TMEM117: variants seen among roughly 807,000 people sequenced by gnomAD.
TMEM117 encodes transmembrane protein 117.
In TMEM117, 27 loss-of-function variants were observed where a neutral mutation model predicts 52.4. The ratio of observed to expected loss-of-function variants is 0.51; its 90% confidence interval spans 0.38 to 0.71. TMEM117 has a LOEUF of 0.71. Among genes scored for constraint, TMEM117 ranks in the 30% least tolerant of loss-of-function variants. The pLI, the probability that TMEM117 is intolerant of heterozygous loss-of-function variation, is 0.00. For synonymous variants in TMEM117, 215 were observed against 206.3 expected (o/e 1.04, Z -0.36); for missense variants, 556 against 630.5 (o/e 0.88, Z 1.26).
At chr12:44,386,436 G>T (rs1029581139) in intron 7 of TMEM117, among the ~76,000 whole-genome samples, 1 of 152,126 alleles carries the variant, frequency 6.6e-6, no homozygotes, top group African/African-American at 2.4e-5. Context: ...ATTCAGGCAA[G>T]AGTTTTCATT....
chr12:44,388,607 G>C lies in TMEM117; in HGVS notation c.1480G>C (p.Glu494Gln), dbSNP rs182044915. The part of the protein sequence containing the change: ...TSENLSSQLN[E>Q]STSATEADQD... ...GGAAAACTTGAGCTCACAGTTGAAC[G>C]AATCTACTAGTGCAACAGAAGCTGA... Residue 494 changes from glutamate to glutamine, a missense_variant, in exon 8 of 8, where the codon GAA becomes CAA. This residue lies in a region of TMEM117 where 206 missense variants were observed against 211.1 expected (regional missense o/e 0.98). Transcript: ENST00000266534. 1 of 1,613,424 alleles carries C rather than the reference G, an allele frequency of 6.2e-7. No homozygotes were observed. Among genetic ancestry groups the C allele is most frequent in the Admixed American group, 1.7e-5 (1 of 59,930 alleles).
intron 4 of TMEM117, among the ~76,000 whole-genome samples, chr12:44,193,193 G>A (rs188192532): frequency 6.6e-6 from 1 of 152,160 alleles, no homozygotes; most frequent in East Asian, 1.9e-4. Context: ...CTAAAATGAG[G>A]GTGAGAGAAA....
intron 5 of TMEM117, among the ~76,000 whole-genome samples, chr12:44,273,458 T>C (rs942830957): frequency 6.6e-6 from 1 of 151,868 alleles, no homozygotes. Context: ...ACTTCCAAAC[T>C]CATTCTACAA....
At chr12:44,274,368 G>A (rs1950486280) in intron 5 of TMEM117, among the ~76,000 whole-genome samples, 1 of 152,222 alleles carries the variant, frequency 6.6e-6, no homozygotes, top group East Asian at 1.9e-4. Context: ...TTGTTTAAAT[G>A]TCCATAGTAC....
intron 6 of TMEM117, among the ~76,000 whole-genome samples, chr12:44,345,709 A>G (rs1221936962): frequency 6.6e-6 from 1 of 152,174 alleles, no homozygotes; most frequent in Admixed American, 6.5e-5. Flanking sequence ...ATTCATTTAC[A>G]TAGTCAACGT....
At chr12:44,093,450 GA>G (rs778838368) in intron 3 of TMEM117, among the ~76,000 whole-genome samples, 15 of 152,200 alleles carry the variant, frequency 9.9e-5, no homozygotes, top group East Asian at 1.9e-4. Context: ...ATATGAACAA[GA>G]ATCACAGTGT....
At chr12:43,884,213 C>G (rs1171621802) in intron 2 of TMEM117, among the ~76,000 whole-genome samples, 1 of 151,460 alleles carries the variant, frequency 6.6e-6, no homozygotes, top group Admixed American at 6.6e-5. Context: ...ATATTGACAG[C>G]AGAGAGCTGA....
chr12:44,028,202 A>G (rs1946575011), intron 3 of TMEM117, among the ~76,000 whole-genome samples: 1 of 152,202 alleles, frequency 6.6e-6, no homozygotes, highest in Non-Finnish European at 1.5e-5. Flanking sequence ...CAAAAACAAA[A>G]AGCTGTTTGA....
intron 3 of TMEM117, among the ~76,000 whole-genome samples, chr12:44,026,458 C>T (rs937243203): frequency 6.6e-6 from 1 of 152,174 alleles, no homozygotes; most frequent in Non-Finnish European, 1.5e-5. Context: ...CACATGTCAC[C>T]TTCTCACTGA....
intron 3 of TMEM117, among the ~76,000 whole-genome samples, chr12:44,067,322 T>G (rs1050454745): frequency 6.6e-6 from 1 of 152,236 alleles, no homozygotes; most frequent in Non-Finnish European, 1.5e-5. Flanking sequence ...TAATGTCATC[T>G]AGAATGGTGA....
chr12:43,876,032 A>T (rs975149309), intron 2 of TMEM117, among the ~76,000 whole-genome samples: 87 of 152,302 alleles, frequency 5.7e-4, no homozygotes, highest in African/African-American at 2.0e-3. Context: ...TTTGAGTAAA[A>T]TACTTAGTAT....
intron 4 of TMEM117, among the ~76,000 whole-genome samples, chr12:44,184,067 C>T (rs55649839): frequency 0.11 from 16,440 of 152,118 alleles, 1,029 homozygotes; most frequent in Middle Eastern, 0.2. Flanking sequence ...GAAACTGGCC[C>T]GGGTGCAGTG....
intron 7 of TMEM117, among the ~76,000 whole-genome samples, chr12:44,387,665 T>C (rs950430744): frequency 6.6e-6 from 1 of 152,146 alleles, no homozygotes; most frequent in Non-Finnish European, 1.5e-5. Context: ...TTTCTAAGAA[T>C]TTCATTAGAC....
chr12:44,101,504 T>G (rs1947860308), intron 3 of TMEM117, among the ~76,000 whole-genome samples: 3 of 151,894 alleles, frequency 2.0e-5, no homozygotes, highest in African/African-American at 7.3e-5. Flanking sequence ...TCTCACCTGG[T>G]TTACTTCCGG....
intron 2 of TMEM117, among the ~76,000 whole-genome samples, chr12:43,938,201 C>G (rs1944984399): frequency 6.7e-6 from 1 of 149,594 alleles, no homozygotes; most frequent in South Asian, 2.1e-4. Flanking sequence ...TAATGGGCCA[C>G]CTAGTGGTCT....
intron 6 of TMEM117, among the ~76,000 whole-genome samples, chr12:44,317,725 C>T (rs1951075729): frequency 6.6e-6 from 1 of 152,132 alleles, no homozygotes; most frequent in Non-Finnish European, 1.5e-5. Context: ...TACCTACAGG[C>T]CAGTAGATGG....
intron 6 of TMEM117, among the ~76,000 whole-genome samples, chr12:44,301,185 C>T: frequency 6.6e-6 from 1 of 152,120 alleles, no homozygotes; most frequent in East Asian, 1.9e-4. Flanking sequence ...CATCCTCATG[C>T]TTCTACTCTG....
intron 2 of TMEM117, among the ~76,000 whole-genome samples, chr12:43,860,671 G>C (rs990420777): frequency 6.6e-5 from 10 of 152,112 alleles, no homozygotes; most frequent in Non-Finnish European, 1.5e-4. Flanking sequence ...AGGTGGCAAG[G>C]AGGTCAGTGG....
At chr12:43,796,489 C>G in the TMEM117 span, among the ~76,000 whole-genome samples, 1 of 152,040 alleles carries the variant, frequency 6.6e-6, no homozygotes, top group African/African-American at 2.4e-5. Context: ...AATGTTTATG[C>G]TTATTCCTTC....
Sources: gnomAD v4.1 joint callset for allele counts (sites outside exome capture counted in the v4.1 genomes callset) on GRCh38, gnomAD v4.1.1 for gene constraint, gnomAD v4.1.1 regional missense constraint, MANE v1.5 for transcripts, NCBI Gene and HGNC (gene_info 2026-07-23, HGNC 2026-07-21) for gene names.